TOX: variants seen among roughly 807,000 people sequenced by gnomAD.
The protein encoded by TOX is thymocyte selection associated high mobility group box, also known as thymocyte selection-associated high mobility group box protein TOX.
A neutral mutation model predicts 53.7 loss-of-function variants in TOX; 11 were observed. That is an observed-to-expected ratio of 0.20 (90% confidence interval 0.13 to 0.34). TOX has a LOEUF of 0.34. Among genes scored for constraint, TOX ranks in the 10% least tolerant of loss-of-function variants. The pLI, the probability that TOX is intolerant of heterozygous loss-of-function variation, is 1.00. For missense variants in TOX, 570 were observed against 664.6 expected (o/e 0.86, Z 1.56); for synonymous variants, 225 against 245.3 (o/e 0.92, Z 0.77).
At chr8:59,039,062 C>A (rs1803524830) in intron 1 of TOX, among the ~76,000 whole-genome samples, 1 of 152,212 alleles carries the variant, frequency 6.6e-6, no homozygotes, top group Admixed American at 6.5e-5. Context: ...GGCTAAATGA[C>A]CTCTGACCTC....
intron 1 of TOX, among the ~76,000 whole-genome samples, chr8:59,013,221 A>G (rs79794402): frequency 0.023 from 3,564 of 152,284 alleles, 50 homozygotes; most frequent in Middle Eastern, 0.092. Context: ...CATTGCTTTC[A>G]TCCTAGATTT....
At chr8:58,909,896 G>A (rs1811882319) in intron 3 of TOX, among the ~76,000 whole-genome samples, 1 of 152,136 alleles carries the variant, frequency 6.6e-6, no homozygotes, top group Non-Finnish European at 1.5e-5. Context: ...GACCTCAGGT[G>A]ATCTGCCTGC....
rs1179118856 is a variant in TOX at position 58,862,370 on chromosome 8, C to T, written c.412-10565G>A. ...TATAGTCTCAATATTTCTAGGTATA[C>T]CTAATTTAGTTAATATTAACATCAC... On this transcript the variant is annotated intron_variant, in intron 3 of 8. Transcript: ENST00000361421. Among the ~76,000 whole-genome samples the T allele has an allele frequency of 2.0e-5, 3 of 151,932 alleles. 1 individual carries two copies. Among genetic ancestry groups the T allele is most frequent in the Non-Finnish European group, 2.9e-5 (2 of 67,970 alleles).
chr8:58,807,848 G>A, intron 8 of TOX, 65 bp from the exon 9 acceptor site: 1 of 1,589,728 alleles, frequency 6.3e-7, no homozygotes, highest in Admixed American at 1.7e-5. Context: ...TGACAATGGG[G>A]GGATGGATGT....
At position 58,914,871 on chromosome 8, in the gene TOX, G is replaced by T. The variant is rs1291747031; in HGVS notation, c.411+24431C>A. Among the ~76,000 whole-genome samples the T allele has an allele frequency of 2.6e-5, 4 of 152,118 alleles. 1 individual carries two copies. Among genetic ancestry groups the T allele is most frequent in the Admixed American group, 2.6e-4 (4 of 15,298 alleles). ...CACCGTGCGCGAGCCGAAGCAGGGC[G>T]AGGCATTGCCTCACCTGGGAAGCGC... On this transcript the variant is annotated intron_variant, in intron 3 of 8. Transcript: ENST00000361421.
chr8:59,063,367 A>T (rs1804024765), intron 1 of TOX, among the ~76,000 whole-genome samples: 1 of 152,064 alleles, frequency 6.6e-6, no homozygotes, highest in Non-Finnish European at 1.5e-5. Context: ...TTTTATTCCA[A>T]AAGACTGAAC....
chr8:58,827,773 T>C (rs1810389178), intron 5 of TOX, among the ~76,000 whole-genome samples: 1 of 152,166 alleles, frequency 6.6e-6, no homozygotes, highest in Admixed American at 6.5e-5. Context: ...GAGCAGTCAT[T>C]AGAGTTGAAA....
intron 1 of TOX, among the ~76,000 whole-genome samples, chr8:58,987,644 G>A (rs16924384): frequency 0.025 from 3,792 of 152,298 alleles, 141 homozygotes; most frequent in African/African-American, 0.086. Context: ...TAAGGTCAAC[G>A]ACATGAAAAG....
intron 1 of TOX, among the ~76,000 whole-genome samples, chr8:59,033,579 G>A (rs552098938): frequency 1.1e-4 from 16 of 152,196 alleles, no homozygotes; most frequent in African/African-American, 2.6e-4. Context: ...ATGCCCAGTC[G>A]CCACTATTAC....
chr8:58,866,889 A>G (rs1451518031), intron 3 of TOX, among the ~76,000 whole-genome samples: 1 of 152,154 alleles, frequency 6.6e-6, no homozygotes, highest in Non-Finnish European at 1.5e-5. Flanking sequence ...TTTACTTACA[A>G]TTTTTGTGTC....
chr8:59,012,939 C>A (rs1233888264), intron 1 of TOX, among the ~76,000 whole-genome samples: 28 of 150,090 alleles, frequency 1.9e-4, no homozygotes, highest in African/African-American at 6.1e-4. Flanking sequence ...AAAAAAAAAG[C>A]CCTAAAATAA....
At chr8:58,855,914 A>G (rs916182315) in intron 3 of TOX, among the ~76,000 whole-genome samples, 11 of 152,200 alleles carry the variant, frequency 7.2e-5, no homozygotes, top group African/African-American at 2.7e-4. Context: ...TAAAGTTATT[A>G]AAAAGAGGGG....
intron 3 of TOX, among the ~76,000 whole-genome samples, chr8:58,930,997 A>G (rs1411351543): frequency 6.6e-6 from 1 of 152,218 alleles, no homozygotes; most frequent in Non-Finnish European, 1.5e-5. Flanking sequence ...TTTGCTAAAT[A>G]ATTGATACCC....
chr8:58,876,344 A>G (rs1811283988), intron 3 of TOX, among the ~76,000 whole-genome samples: 1 of 152,312 alleles, frequency 6.6e-6, no homozygotes, highest in African/African-American at 2.4e-5. Context: ...TAGACAGAAT[A>G]AAATGTGTTG....
intron 4 of TOX, among the ~76,000 whole-genome samples, chr8:58,843,079 C>T (rs1400939136): frequency 6.6e-6 from 1 of 152,110 alleles, no homozygotes; most frequent in East Asian, 1.9e-4. Flanking sequence ...TATGGTGTTG[C>T]CCCCATTAAA....
intron 1 of TOX, among the ~76,000 whole-genome samples, chr8:58,966,326 C>A (rs562285841): frequency 5.1e-4 from 78 of 152,278 alleles, no homozygotes; most frequent in African/African-American, 1.8e-3. Context: ...GCTATCAACA[C>A]CCAAAGAAAA....
chr8:59,030,539 A>G (rs1814335376), intron 1 of TOX, among the ~76,000 whole-genome samples: 1 of 152,192 alleles, frequency 6.6e-6, no homozygotes, highest in African/African-American at 2.4e-5. Flanking sequence ...TAACGTCACT[A>G]AGTAAACAGG....
intron 6 of TOX, among the ~76,000 whole-genome samples, chr8:58,818,441 C>T (rs1178607881): frequency 1.3e-5 from 2 of 152,144 alleles, no homozygotes; most frequent in Admixed American, 1.3e-4. Flanking sequence ...TGTGCCTGAA[C>T]GTGGCAGGTG....
At chr8:58,974,760 C>A (rs572637507) in intron 1 of TOX, among the ~76,000 whole-genome samples, 1 of 151,974 alleles carries the variant, frequency 6.6e-6, no homozygotes, top group African/African-American at 2.4e-5. Flanking sequence ...GAAAAATTAC[C>A]GATTTGTTAG....
Sources: allele counts gnomAD v4.1 joint callset (sites outside exome capture counted in the v4.1 genomes callset), GRCh38; gene constraint gnomAD v4.1.1; transcripts MANE v1.5; gene names NCBI Gene and HGNC (gene_info 2026-07-23, HGNC 2026-07-21).